Variants in RAB30 observed in about 807,000 individuals in gnomAD.
The protein encoded by RAB30 is RAB30, member RAS oncogene family, also known as ras-related protein Rab-30.
A neutral mutation model predicts 25.1 loss-of-function variants in RAB30; 9 were observed. The observed-to-expected ratio is 0.36, with a 90% CI of 0.22 to 0.63. The LOEUF (loss-of-function observed/expected upper bound fraction) is 0.63, where lower values mean the gene tolerates loss of function less well. Ranked by LOEUF, RAB30 falls within the 20% of genes least tolerant of loss-of-function variation. The pLI is 0.69. For missense variants in RAB30, 140 were observed against 243.5 expected, an observed-to-expected ratio of 0.58 and a Z score of 2.83; for synonymous variants, 77 against 86.4, an observed-to-expected ratio of 0.89 and a Z score of 0.60.
At position 82,995,003 on chromosome 11, in the gene RAB30, G is replaced by C. The variant is rs543075871; in HGVS notation, c.94-881C>G. ...AAACTGGAAACTTAACCAGAAAGATGAGATTTTAACAAAGGTACAAGTATA... is the reference window on the plus strand; with the variant it reads ...AAACTGGAAACTTAACCAGAAAGATCAGATTTTAACAAAGGTACAAGTATA... On this transcript the variant is annotated intron_variant, in intron 2 of 4. Coordinates refer to ENST00000527633, the MANE Select transcript of RAB30 (RefSeq NM_001286060.2). 4.6e-5 allele frequency among the ~76,000 whole-genome samples: 7 copies of C among 152,284 alleles called. No homozygotes were observed. In the East Asian group the frequency reaches 1.4e-3, roughly 29 times the overall value.
At chr11:83,046,353 A>G (rs911744530) in intron 1 of RAB30, among the ~76,000 whole-genome samples, 4 of 152,184 alleles carry the variant, frequency 2.6e-5, no homozygotes, top group Non-Finnish European at 5.9e-5. Flanking sequence ...ACTTAGAAAA[A>G]GGGCTGGAGA....
At chr11:83,035,341 T>C (rs1345549759) in intron 1 of RAB30, 2 of 152,106 alleles carry the variant, frequency 1.3e-5, no homozygotes, top group Non-Finnish European at 2.9e-5. Context: ...TTTCAATTCC[T>C]CCCAGCAATC....
chr11:82,981,985 T>TA lies in RAB30; in HGVS notation c.*179dup. ...AGACTGGAAAAGGGTGAAACCATTA[T>TA]ATGTTCTGCTAATGCTGGCCTGTGG... On this transcript the variant is annotated 3_prime_UTR_variant, in exon 5 of 5. Transcript: ENST00000527633. 2.7e-6 allele frequency: 2 copies of TA among 752,658 alleles called. No individual in the cohort carries two copies. Among genetic ancestry groups the TA allele is most frequent in the Non-Finnish European group, 4.3e-6 (2 of 469,960 alleles). 46.6% of individuals were successfully genotyped at this position (752,658 alleles called of 1,614,324 possible).
chr11:83,049,719 G>A (rs1355440857), intron 1 of RAB30, among the ~76,000 whole-genome samples: 1 of 151,942 alleles, frequency 6.6e-6, no homozygotes, highest in East Asian at 1.9e-4. Flanking sequence ...GCCTTTTGAA[G>A]GTAAAGTTCA....
At chr11:83,055,609 G>T (rs1858442896) in intron 1 of RAB30, among the ~76,000 whole-genome samples, 1 of 152,220 alleles carries the variant, frequency 6.6e-6, no homozygotes, top group South Asian at 2.1e-4. Context: ...GGAGTGCTAT[G>T]ATTTGAATGG....
Position 82,977,646 on chromosome 11 carries a change from C to T in RAB30, c.*4519G>A, listed in dbSNP as rs1364935657. 6.6e-6 allele frequency: 1 copy of T among 152,202 alleles called. No homozygotes were observed. The highest frequency in any genetic ancestry group is 1.9e-4 in the East Asian group (1 of 5,202). The allele number at this position is 152,202 out of a possible 1,614,324, so 9.4% of individuals were successfully genotyped here. On this transcript the variant is annotated 3_prime_UTR_variant, in exon 5 of 5. Transcript: ENST00000527633. The stretch of plus-strand genomic sequence containing the variant: ...CCTCTGAACCACAGAGCATCTTGTT[C>T]TAATGCACTAATTGTATTCCCCTCT...
In RAB30 at chr11:82,977,038, T is replaced by C. The variant is rs1056680592; in HGVS notation, c.*5127A>G. ...CCCACCAGCCCATCTCTCTTGGGAG[T>C]TGGTCTGTTTGTGAGAACTTTAACA... On this transcript the variant is annotated 3_prime_UTR_variant, in exon 5 of 5. Coordinates refer to ENST00000527633, the MANE Select transcript of RAB30 (RefSeq NM_001286060.2). 1.3e-5 allele frequency: 2 copies of C among 152,166 alleles called. No individual in the cohort carries two copies. The highest frequency in any genetic ancestry group is 2.9e-5 in the Non-Finnish European group (2 of 68,034). 9.4% of individuals were successfully genotyped at this position (152,166 alleles called of 1,614,324 possible).
chr11:83,017,543 T>TC (rs900025077), intron 1 of RAB30, among the ~76,000 whole-genome samples: 3 of 151,494 alleles, frequency 2.0e-5, no homozygotes, highest in African/African-American at 7.3e-5. Flanking sequence ...CTCCCACCTT[T>TC]CCCCCCAAGT....
At chr11:83,018,477 T>C (rs1390028025) in intron 1 of RAB30, among the ~76,000 whole-genome samples, 1 of 152,190 alleles carries the variant, frequency 6.6e-6, no homozygotes, top group African/African-American at 2.4e-5. Flanking sequence ...TATTGACCAT[T>C]TGTATATCTT....
chr11:83,040,060 A>C (rs1032795506), intron 1 of RAB30, among the ~76,000 whole-genome samples: 2 of 152,214 alleles, frequency 1.3e-5, no homozygotes, highest in Admixed American at 6.5e-5. Flanking sequence ...AAAGAAAAGG[A>C]AAAGTTGAAG....
At position 82,973,432 on chromosome 11, in the gene RAB30, T is replaced by C. The variant is rs562805273; in HGVS notation, c.*8733A>G. The stretch of plus-strand genomic sequence containing the variant: ...CTTACATATTTAAAATGCTACTTCA[T>C]TGAATCCTAAAAGATTGAATGAGTA... On this transcript the variant is annotated 3_prime_UTR_variant, in exon 5 of 5. Transcript: ENST00000527633. The C allele has an allele frequency of 9.8e-5, 15 of 152,356 alleles. No homozygotes were observed. Among genetic ancestry groups the C allele is most frequent in the African/African-American group, 3.4e-4 (14 of 41,584 alleles). 9.4% of individuals were successfully genotyped at this position (152,356 alleles called of 1,614,324 possible). A position where few individuals can be genotyped will look rare whatever the true frequency, so the allele number is the denominator to read the frequency against.
rs77689179 is a variant in RAB30 at position 82,978,730 on chromosome 11, A to G, written c.*3435T>C. On this transcript the variant is annotated 3_prime_UTR_variant, in exon 5 of 5. Coordinates refer to ENST00000527633, the MANE Select transcript of RAB30 (RefSeq NM_001286060.2). Reference sequence around the variant, plus strand: ...TGTGGGAATCACCAGTGTCCTCCCAAGGCATATATTCATGAATGAAAGAAG... The same window carrying G: ...TGTGGGAATCACCAGTGTCCTCCCAGGGCATATATTCATGAATGAAAGAAG... 32 of 152,292 alleles carry G rather than the reference A, an allele frequency of 2.1e-4. No individual in the cohort carries two copies. The highest frequency in any genetic ancestry group is 4.1e-4 in the South Asian group (2 of 4,826). The allele number at this position is 152,292 out of a possible 1,614,324, so 9.4% of individuals were successfully genotyped here. A position where few individuals can be genotyped will look rare whatever the true frequency, so the allele number is the denominator to read the frequency against.
intron 1 of RAB30, among the ~76,000 whole-genome samples, chr11:83,016,688 A>G (rs191493386): frequency 3.9e-5 from 6 of 152,330 alleles, no homozygotes; most frequent in African/African-American, 1.4e-4. Context: ...CTCTTTCTAC[A>G]CAATTGACCG....
At chr11:83,066,517 A>T (rs1437964811) in intron 1 of RAB30, among the ~76,000 whole-genome samples, 1 of 152,234 alleles carries the variant, frequency 6.6e-6, no homozygotes, top group Non-Finnish European at 1.5e-5. Flanking sequence ...CCTAAAAGTG[A>T]TCACAAAATA....
intron 1 of RAB30, among the ~76,000 whole-genome samples, chr11:83,051,555 A>G (rs905542789): frequency 2.0e-5 from 3 of 152,148 alleles, no homozygotes; most frequent in African/African-American, 7.2e-5. Context: ...ACGATCCCTA[A>G]GTGTCTTGGG....
intron 1 of RAB30, among the ~76,000 whole-genome samples, chr11:82,998,781 G>A (rs1165210968): frequency 6.6e-6 from 1 of 152,094 alleles, no homozygotes; most frequent in East Asian, 1.9e-4. Flanking sequence ...TTAAGGTGTA[G>A]GCAGAACAGA....
chr11:82,999,973 G>A (rs1209144673), intron 1 of RAB30, among the ~76,000 whole-genome samples: 4 of 152,152 alleles, frequency 2.6e-5, no homozygotes, highest in Admixed American at 2.0e-4. Flanking sequence ...AGCAGCATGA[G>A]AGCAGTGACG....
Position 83,065,829 on chromosome 11 carries a change from T to C in RAB30, c.-9+5862A>G, listed in dbSNP as rs577274567. ...CATCATGTGAACCTCCCAACAACCT[T>C]ACAAAGAAACAGAGGCTCAAAGAGA... is the stretch of plus-strand genomic sequence containing the variant. On this transcript the variant is annotated intron_variant, in intron 1 of 4. Transcript: ENST00000527633. Among the ~76,000 whole-genome samples, 10 of 152,252 alleles carry C rather than the reference T, an allele frequency of 6.6e-5. No homozygotes were observed. The South Asian group carries it at 2.1e-3, about 32-fold the overall frequency.
At chr11:83,017,132 A>G (rs778986722) in intron 1 of RAB30, among the ~76,000 whole-genome samples, 15 of 152,190 alleles carry the variant, frequency 9.9e-5, no homozygotes, top group Non-Finnish European at 2.1e-4. Flanking sequence ...TCAGCCTAGG[A>G]GTTCGAGAAC....
Sources: gnomAD v4.1 joint callset for allele counts (sites outside exome capture counted in the v4.1 genomes callset) on GRCh38, gnomAD v4.1.1 for gene constraint, MANE v1.5 for transcripts, NCBI Gene and HGNC (gene_info 2026-07-23, HGNC 2026-07-21) for gene names.